The following SLC17A1 variants were observed in gnomAD, a reference collection of about 807,000 sequenced individuals.
SLC17A1 encodes the protein sodium-dependent phosphate transport protein 1.
SLC17A1 carries 51 observed loss-of-function variants against 53.5 expected under a neutral mutation model. The ratio of observed to expected loss-of-function variants is 0.95; its 90% CI spans 0.76 to 1.20. SLC17A1 has a LOEUF of 1.20. Ranked by LOEUF, SLC17A1 falls within the 50% of genes most tolerant of loss-of-function variation. SLC17A1 has a pLI of 0.00. For synonymous variants in SLC17A1, 179 were observed against 198.8 expected (o/e 0.90, Z 0.84); for missense variants, 538 against 568.2 (o/e 0.95, Z 0.54).
At chr6:25,813,590 T>G (rs1764236801) in intron 6 of SLC17A1, among the ~76,000 whole-genome samples, 1 of 152,200 alleles carries the variant, frequency 6.6e-6, no homozygotes, top group African/African-American at 2.4e-5. Flanking sequence ...TTTTAATGTT[T>G]AAGTTCAGGG....
chr6:25,726,914 G>T, the SLC17A1 span: 1 of 1,611,792 alleles, frequency 6.2e-7, no homozygotes, highest in Non-Finnish European at 8.5e-7. Context: ...TAGCTATGCC[G>T]GAGGTGTCAT....
chr6:25,756,630 G>A, the SLC17A1 span, among the ~76,000 whole-genome samples: 2 of 152,024 alleles, frequency 1.3e-5, no homozygotes, highest in Admixed American at 6.6e-5. Flanking sequence ...TCTCATTAAC[G>A]CCAGCAAAAC....
the SLC17A1 span, among the ~76,000 whole-genome samples, chr6:25,725,494 T>TA: frequency 6.6e-6 from 1 of 152,222 alleles, no homozygotes; most frequent in Non-Finnish European, 1.5e-5. Flanking sequence ...AAATGTACTT[T>TA]AACCAGCCAG....
At chr6:25,746,071 G>A in the SLC17A1 span, among the ~76,000 whole-genome samples, 2 of 152,244 alleles carry the variant, frequency 1.3e-5, no homozygotes, top group South Asian at 4.2e-4. Context: ...AGTATTAGCC[G>A]TTATCAATCT....
At position 25,798,868 on chromosome 6, in the gene SLC17A1, C is replaced by T. The variant is rs762261901; in HGVS notation, c.1321G>A (p.Val441Met). The T allele has an allele frequency of 3.1e-6, 5 of 1,607,714 alleles. No homozygotes were observed. Among genetic ancestry groups the T allele is most frequent in the Non-Finnish European group, 8.5e-7 (1 of 1,175,736 alleles). The change falls in exon 12 of 13, where the codon GTG (valine) becomes ATG (methionine). Residue 441 changes from valine (V) to methionine (M), a missense_variant. Coordinates refer to ENST00000244527, the MANE Select transcript of SLC17A1 (RefSeq NM_005074.5). Reference protein sequence around the residue: ...KTFILMAAINVTGLIFYLIVA... With the variant: ...KTFILMAAINMTGLIFYLIVA... ...ATAAGGTAGAAAATTAGGCCAGTCA[C>T]ATTAATGGCTGCCATCAGGATGAAG...
chr6:25,727,430 C>T, the SLC17A1 span: 12 of 719,634 alleles, frequency 1.7e-5, no homozygotes, highest in African/African-American at 1.5e-4. Flanking sequence ...GAGTCTCACT[C>T]TCCCAGGCTG....
chr6:25,792,064 T>C (rs942377), intron 12 of SLC17A1, among the ~76,000 whole-genome samples: 42,307 of 152,094 alleles, frequency 0.28, 6,388 homozygotes, highest in African/African-American at 0.4. Context: ...GGCCTAAGTT[T>C]AAAATAGAGC....
intron 10 of SLC17A1, among the ~76,000 whole-genome samples, chr6:25,805,010 T>G (rs1763906274): frequency 6.6e-6 from 1 of 152,066 alleles, no homozygotes. Context: ...ACAATAAACT[T>G]AAACTACACT....
chr6:25,785,131 T>C (rs1456265012), intron 12 of SLC17A1, among the ~76,000 whole-genome samples: 1 of 152,044 alleles, frequency 6.6e-6, no homozygotes, highest in Non-Finnish European at 1.5e-5. Flanking sequence ...AAAATGAAAC[T>C]AAGAAAACAA....
intron 12 of SLC17A1, among the ~76,000 whole-genome samples, chr6:25,797,847 C>A (rs1346539573): frequency 6.6e-6 from 1 of 152,136 alleles, no homozygotes; most frequent in Non-Finnish European, 1.5e-5. Flanking sequence ...ATCCACCCGC[C>A]TCGTCCTCCC....
chr6:25,793,569 T>TC (rs1763546427), intron 12 of SLC17A1, among the ~76,000 whole-genome samples: 2 of 152,260 alleles, frequency 1.3e-5, no homozygotes, highest in South Asian at 4.2e-4. Context: ...GCTATTTGTT[T>TC]CCCCCTATCA....
At chr6:25,738,769 A>C in the SLC17A1 span, among the ~76,000 whole-genome samples, 323 of 152,342 alleles carry the variant, frequency 2.1e-3, 1 homozygote, top group Middle Eastern at 0.024. Flanking sequence ...AAAGGGCAAA[A>C]AAGCACATGA....
At position 25,831,569 on chromosome 6, in the gene SLC17A1, C is replaced by A. The variant is rs577927501; in HGVS notation, c.-51+425G>T. On this transcript the variant is annotated intron_variant, in intron 1 of 12. Transcript: ENST00000244527. Reference sequence around the variant, plus strand: ...CCTTATGTTCTCCACACATACACTCCAGACACATAGCAAACCAAACATATA... The same window carrying A: ...CCTTATGTTCTCCACACATACACTCAAGACACATAGCAAACCAAACATATA... 3.4e-4 allele frequency among the ~76,000 whole-genome samples: 51 copies of A among 152,160 alleles called. No individual in the cohort carries two copies. In the South Asian group the frequency reaches 9.8e-3, roughly 29 times the overall value.
chr6:25,822,348 G>A (rs1324526810), intron 3 of SLC17A1, among the ~76,000 whole-genome samples: 1 of 152,022 alleles, frequency 6.6e-6, no homozygotes, highest in Non-Finnish European at 1.5e-5. Context: ...TCTACTTTGA[G>A]TTATTGTAGA....
At chr6:25,761,767 A>G in the SLC17A1 span, among the ~76,000 whole-genome samples, 1 of 152,184 alleles carries the variant, frequency 6.6e-6, no homozygotes, top group Non-Finnish European at 1.5e-5. Flanking sequence ...AAGACCAACC[A>G]ATTGGTTAGT....
At chr6:25,731,932 C>T in the SLC17A1 span, 12 of 1,601,238 alleles carry the variant, frequency 7.5e-6, no homozygotes, top group Non-Finnish European at 1.0e-5. Context: ...AGGCGGGAAG[C>T]CTCACAGGCA....
rs200727863 is a variant in SLC17A1, at chr6:25,811,658, C to T, written c.1010G>A (p.Arg337Gln). ...TRNILSVIAV[R>Q]KLFTAAGFLL... is the part of the protein sequence containing the mutation. The stretch of plus-strand genomic sequence containing the variant: ...CTTACCTGCTGCTGTGAAGAGTTTC[C>T]GGACAGCAATTACGCTGAGAATATT... Residue 337 changes from arginine (R) to glutamine (Q), a missense_variant, in exon 9 of 13, where the codon CGG becomes CAG. Arg to Gln is a conservative substitution (Grantham distance 43, BLOSUM62 1). Transcript: ENST00000244527. 199 of 1,613,830 alleles carry T rather than the reference C, an allele frequency of 1.2e-4. 1 individual carries two copies. Among genetic ancestry groups the T allele is most frequent in the East Asian group, 5.1e-4 (23 of 44,870 alleles).
At chr6:25,761,936 G>A in the SLC17A1 span, 1 of 1,576,992 alleles carries the variant, frequency 6.3e-7, no homozygotes, top group East Asian at 2.2e-5. Context: ...GTAAGTAAAT[G>A]CCAGTCCCTA....
chr6:25,726,252 C>T, the SLC17A1 span: 56 of 1,613,872 alleles, frequency 3.5e-5, no homozygotes, highest in Non-Finnish European at 4.5e-5. Context: ...TATTGAGTTC[C>T]TCATCATTGC....
Sources: allele counts gnomAD v4.1 joint callset (sites outside exome capture counted in the v4.1 genomes callset), GRCh38; gene constraint gnomAD v4.1.1; transcripts MANE v1.5; gene names NCBI Gene and HGNC (gene_info 2026-07-23, HGNC 2026-07-21).